The following RUNDC3B variants were observed in gnomAD, a reference collection of about 807,000 sequenced individuals.
RUNDC3B encodes the protein RUN domain containing 3B.
RUNDC3B carries 33 observed loss-of-function variants against 58.4 expected under a neutral mutation model. The observed-to-expected ratio is 0.56, with a 90% CI of 0.43 to 0.75. The LOEUF (loss-of-function observed/expected upper bound fraction) is 0.75, where lower values mean the gene tolerates loss of function less well. RUNDC3B is among the 30% of genes least tolerant of loss of function. RUNDC3B has a pLI of 0.00. For missense variants in RUNDC3B, 501 were observed against 535.7 expected, an observed-to-expected ratio of 0.94 and a Z score of 0.64; for synonymous variants, 193 against 195.2, an observed-to-expected ratio of 0.99 and a Z score of 0.10.
chr7:87,770,808 G>A lies in RUNDC3B; in HGVS notation c.798+59G>A. 3 of 1,159,416 alleles carry A rather than the reference G, an allele frequency of 2.6e-6. No individual in the cohort carries two copies. The South Asian group carries it at 4.5e-5, about 17-fold the overall frequency. The allele number at this position is 1,159,416 out of a possible 1,614,324, so 71.8% of individuals were successfully genotyped here. ...ATTCTAGTTATTGCCTTTGAACTGT[G>A]ACTGCCAAAATATTTTTTAACTGAA... On this transcript the variant is annotated intron_variant, in intron 7 of 10. Transcript: ENST00000394654.
intron 8 of RUNDC3B, among the ~76,000 whole-genome samples, chr7:87,787,745 T>C (rs1308597872): frequency 1.3e-5 from 2 of 152,204 alleles, no homozygotes; most frequent in Admixed American, 6.5e-5. Flanking sequence ...TTAATGGTGT[T>C]AAGTATATAA....
intron 1 of RUNDC3B, among the ~76,000 whole-genome samples, chr7:87,642,028 G>A (rs1318511222): frequency 6.6e-6 from 1 of 151,580 alleles, no homozygotes; most frequent in Non-Finnish European, 1.5e-5. Context: ...ATTTATACGT[G>A]GACGATATGC....
intron 6 of RUNDC3B, among the ~76,000 whole-genome samples, chr7:87,745,600 A>G (rs1353265229): frequency 1.3e-5 from 2 of 152,178 alleles, no homozygotes; most frequent in African/African-American, 2.4e-5. Context: ...TTATATGCAT[A>G]AAGGTGTTCA....
chr7:87,726,686 A>G (rs1444998291), intron 4 of RUNDC3B, among the ~76,000 whole-genome samples: 2 of 152,100 alleles, frequency 1.3e-5, no homozygotes, highest in Admixed American at 1.3e-4. Context: ...CTTGGGCTGT[A>G]TGGCCATTTT....
chr7:87,767,344 C>G (rs1017678616), intron 6 of RUNDC3B, among the ~76,000 whole-genome samples: 1 of 152,228 alleles, frequency 6.6e-6, no homozygotes, highest in African/African-American at 2.4e-5. Flanking sequence ...CTAATTCCTT[C>G]TAATCTGAGG....
intron 10 of RUNDC3B, among the ~76,000 whole-genome samples, chr7:87,828,271 T>C (rs994003521): frequency 8.5e-5 from 13 of 152,176 alleles, no homozygotes; most frequent in Non-Finnish European, 8.8e-5. Flanking sequence ...GTTTGTTACA[T>C]GGGTATATTG....
Position 87,830,491 on chromosome 7 carries a change from A to C in RUNDC3B, c.*461A>C, listed in dbSNP as rs1362136812. 1 of 150,942 alleles carries C rather than the reference A, an allele frequency of 6.6e-6. No individual in the cohort carries two copies. Among genetic ancestry groups the C allele is most frequent in the African/African-American group, 2.4e-5 (1 of 41,134 alleles). The allele number at this position is 150,942 out of a possible 1,614,324, so 9.4% of individuals were successfully genotyped here. On this transcript the variant is annotated 3_prime_UTR_variant, in exon 11 of 11. Transcript: ENST00000394654. ...TTCATTTTTTCATTAATGTCTTCCT[A>C]AGTTCTATGCTTTAAATGCCTTGTT... is the stretch of plus-strand genomic sequence containing the variant.
chr7:87,731,937 A>T (rs139470466), intron 4 of RUNDC3B, among the ~76,000 whole-genome samples: 111 of 152,328 alleles, frequency 7.3e-4, no homozygotes, highest in African/African-American at 2.5e-3. Context: ...TGTTGCACAG[A>T]ATATTTTATC....
At chr7:87,774,673 A>C (rs1361588817) in intron 7 of RUNDC3B, among the ~76,000 whole-genome samples, 3 of 152,188 alleles carry the variant, frequency 2.0e-5, no homozygotes, top group Non-Finnish European at 4.4e-5. Flanking sequence ...AAATTGAAAA[A>C]GTAGTTTAAA....
intron 6 of RUNDC3B, among the ~76,000 whole-genome samples, chr7:87,768,174 A>C (rs192864180): frequency 6.8e-4 from 103 of 152,282 alleles, no homozygotes; most frequent in Non-Finnish European, 1.3e-3. Context: ...CATCTGCAGT[A>C]GTAGGTCAGG....
At chr7:87,806,129 C>T (rs1490108158) in intron 8 of RUNDC3B, among the ~76,000 whole-genome samples, 1 of 152,124 alleles carries the variant, frequency 6.6e-6, no homozygotes, top group African/African-American at 2.4e-5. Flanking sequence ...AGTATTCCAT[C>T]CTGAGACAGA....
rs148013916 is a variant in RUNDC3B at position 87,692,706 on chromosome 7, T to C, written c.239-7715T>C. Among the ~76,000 whole-genome samples, 370 of 152,288 alleles carry C rather than the reference T, an allele frequency of 2.4e-3. 1 individual carries two copies. Among genetic ancestry groups the C allele is most frequent in the African/African-American group, 8.3e-3 (344 of 41,572 alleles). On this transcript the variant is annotated intron_variant, in intron 2 of 10. Transcript: ENST00000394654. Reference sequence around the variant, plus strand: ...TTTGTTTTAGGACAGAGATAGTAAATGTGGTTTAAATATTAGGAATTAATG... The same window carrying C: ...TTTGTTTTAGGACAGAGATAGTAAACGTGGTTTAAATATTAGGAATTAATG...
chr7:87,773,343 AG>A (rs1478952273), intron 7 of RUNDC3B, among the ~76,000 whole-genome samples: 2 of 150,880 alleles, frequency 1.3e-5, no homozygotes, highest in African/African-American at 2.4e-5. Flanking sequence ...AAAAAAAAAA[AG>A]TAAGCATTCA....
chr7:87,652,987 C>T (rs915442201), intron 2 of RUNDC3B, among the ~76,000 whole-genome samples: 1 of 151,926 alleles, frequency 6.6e-6, no homozygotes, highest in Non-Finnish European at 1.5e-5. Flanking sequence ...GATAAAATCT[C>T]CCCCAGACAC....
chr7:87,665,791 A>G (rs192965246), intron 2 of RUNDC3B, among the ~76,000 whole-genome samples: 69 of 152,104 alleles, frequency 4.5e-4, no homozygotes, highest in Non-Finnish European at 8.4e-4. Context: ...AACGTGTGAT[A>G]TTTGGTTTTC....
Position 87,816,152 on chromosome 7 carries a change from A to G in RUNDC3B, c.1115A>G (p.Gln372Arg). The G allele has an allele frequency of 1.9e-6, 3 of 1,603,692 alleles. No individual in the cohort carries two copies. Among genetic ancestry groups the G allele is most frequent in the Non-Finnish European group, 2.6e-6 (3 of 1,173,252 alleles). ...HNKQWYEKSY[Q>R]SLDQLSAEVS... The stretch of plus-strand genomic sequence containing the variant: ...TCCTTGCTTTACAGGAAAAGTTATC[A>G]AAGTCTTGACCAGTTATCAGCAGAA... The change falls in exon 10 of 11, where the codon CAA becomes CGA. Residue 372 changes from glutamine to arginine, a missense_variant. By Grantham distance (43) the Gln-to-Arg change is conservative. Transcript: ENST00000394654.
intron 2 of RUNDC3B, among the ~76,000 whole-genome samples, chr7:87,662,541 T>G (rs1824819643): frequency 6.6e-6 from 1 of 152,116 alleles, no homozygotes; most frequent in South Asian, 2.1e-4. Flanking sequence ...TTCAGAATCT[T>G]TGTCAAAAAT....
chr7:87,781,419 A>G (rs1166165178), intron 8 of RUNDC3B, among the ~76,000 whole-genome samples: 4 of 152,120 alleles, frequency 2.6e-5, no homozygotes, highest in Non-Finnish European at 5.9e-5. Flanking sequence ...ATATAATTAT[A>G]TCATCAGGAA....
rs939033111 is a variant in RUNDC3B, at chr7:87,735,259, C to T, written c.459-4532C>T. 2.0e-5 allele frequency among the ~76,000 whole-genome samples: 3 copies of T among 152,110 alleles called. No homozygotes were observed. The South Asian group carries it at 6.2e-4, about 32-fold the overall frequency. The stretch of plus-strand genomic sequence containing the variant: ...CATAAGCAAGTCTTATTGATCCTAC[C>T]TCCAAATCTATTTTGAATCTATTTA... On this transcript the variant is annotated intron_variant, in intron 4 of 10. Transcript: ENST00000394654.
Sources: allele counts gnomAD v4.1 joint callset (sites outside exome capture counted in the v4.1 genomes callset), GRCh38; gene constraint gnomAD v4.1.1; transcripts MANE v1.5; gene names NCBI Gene and HGNC (gene_info 2026-07-23, HGNC 2026-07-21).